RPAP2: variants seen among roughly 807,000 people sequenced by gnomAD.
RPAP2 encodes the protein putative RNA polymerase II subunit B1 CTD phosphatase RPAP2.
Under a neutral mutation model 73.1 loss-of-function variants are expected in RPAP2, and 52 were observed. The observed-to-expected ratio is 0.71, with a 90% confidence interval of 0.57 to 0.90. The LOEUF (loss-of-function observed/expected upper bound fraction) is 0.90. RPAP2 is among the 40% of genes least tolerant of loss of function. The pLI, the probability that RPAP2 is intolerant of heterozygous loss-of-function variation, is 0.00. For synonymous variants in RPAP2, 225 were observed against 242.1 expected (o/e 0.93, Z 0.65); for missense variants, 598 against 701.8 (o/e 0.85, Z 1.67).
chr1:92,300,164 A>G, intron 1 of RPAP2, 30 bp from the exon 2 acceptor site: 1 of 1,529,370 alleles, frequency 6.5e-7, no homozygotes, highest in Non-Finnish European at 9.0e-7. Flanking sequence ...AAATGTCATT[A>G]TGTAGCACAT....
At chr1:92,304,620 G>C (rs1448744351) in intron 5 of RPAP2, among the ~76,000 whole-genome samples, 1 of 152,128 alleles carries the variant, frequency 6.6e-6, no homozygotes, top group African/African-American at 2.4e-5. Context: ...ATAAATCATG[G>C]AACAGAATAG....
intron 12 of RPAP2, among the ~76,000 whole-genome samples, chr1:92,381,908 T>A (rs1655655323): frequency 6.6e-6 from 1 of 150,490 alleles, no homozygotes; most frequent in African/African-American, 2.4e-5. Flanking sequence ...CTCCTAATGC[T>A]ATCCCTCCCC....
chr1:92,378,982 T>C (rs1378067554), intron 11 of RPAP2, among the ~76,000 whole-genome samples: 1 of 152,224 alleles, frequency 6.6e-6, no homozygotes, highest in African/African-American at 2.4e-5. Context: ...CATTGGACTA[T>C]TGCAGTCATC....
chr1:92,380,923 A>G (rs762185961), intron 12 of RPAP2, 50 bp downstream of exon 12: 5 of 1,424,440 alleles, frequency 3.5e-6, no homozygotes, highest in South Asian at 1.5e-5. Context: ...TTTGTTGCCT[A>G]TGTGGATTCT....
intron 8 of RPAP2, among the ~76,000 whole-genome samples, chr1:92,331,444 A>G (rs1297804308): frequency 6.6e-6 from 1 of 152,068 alleles, no homozygotes; most frequent in African/African-American, 2.4e-5. Flanking sequence ...TTTGCATTGA[A>G]TCATTATTCC....
chr1:92,311,206 C>T (rs192134811), intron 6 of RPAP2, among the ~76,000 whole-genome samples: 2 of 152,292 alleles, frequency 1.3e-5, no homozygotes, highest in Admixed American at 1.3e-4. Context: ...CTTCTCAACA[C>T]TAAGTCTCAG....
rs977176028 is a variant in RPAP2, at chr1:92,334,325, G to A, written c.1538+852G>A. Among the ~76,000 whole-genome samples, 3 of 151,900 alleles carry A rather than the reference G, an allele frequency of 2.0e-5. 1 individual carries two copies. The highest frequency in any genetic ancestry group is 2.9e-5 in the Non-Finnish European group (2 of 67,966). ...CATTATCAAAGTTAGACCTTTTTTGGTTTTTTATTTGAACCAACCAATTGT... is the reference window on the plus strand; with the variant it reads ...CATTATCAAAGTTAGACCTTTTTTGATTTTTTATTTGAACCAACCAATTGT... On this transcript the variant is annotated intron_variant, in intron 9 of 12. Coordinates refer to ENST00000610020, the MANE Select transcript of RPAP2 (RefSeq NM_024813.3).
chr1:92,346,186 C>G (rs1186480890), intron 11 of RPAP2, among the ~76,000 whole-genome samples: 1 of 147,500 alleles, frequency 6.8e-6, no homozygotes, highest in Non-Finnish European at 1.5e-5. Flanking sequence ...TTTTTTGAGA[C>G]AGGGTCTCGC....
At chr1:92,306,121 G>C (rs573664511) in intron 5 of RPAP2, among the ~76,000 whole-genome samples, 1 of 152,270 alleles carries the variant, frequency 6.6e-6, no homozygotes, top group South Asian at 2.1e-4. Flanking sequence ...AAATAAGCCA[G>C]CACAAAAGGA....
intron 12 of RPAP2, among the ~76,000 whole-genome samples, chr1:92,384,265 A>G (rs879408559): frequency 3.3e-5 from 5 of 152,058 alleles, no homozygotes; most frequent in East Asian, 1.9e-4. Context: ...CTATAAAACA[A>G]TCTTTAATCA....
At chr1:92,386,026 C>T (rs1655851764) in intron 12 of RPAP2, among the ~76,000 whole-genome samples, 1 of 152,232 alleles carries the variant, frequency 6.6e-6, no homozygotes, top group African/African-American at 2.4e-5. Context: ...CTAGAAACCT[C>T]CCCTAATCCC....
chr1:92,317,945 A>G (rs1309478500), intron 6 of RPAP2, among the ~76,000 whole-genome samples: 1 of 152,198 alleles, frequency 6.6e-6, no homozygotes, highest in African/African-American at 2.4e-5. Context: ...TCTGCCTTCA[A>G]GATCTTGAAA....
chr1:92,312,897 C>T (rs1651682299), intron 6 of RPAP2, among the ~76,000 whole-genome samples: 1 of 151,896 alleles, frequency 6.6e-6, no homozygotes, highest in Non-Finnish European at 1.5e-5. Context: ...TCTTGGCTCA[C>T]TACAACCTCT....
chr1:92,300,655 A>G (rs1650774170), intron 2 of RPAP2, among the ~76,000 whole-genome samples: 1 of 152,270 alleles, frequency 6.6e-6, no homozygotes, highest in Non-Finnish European at 1.5e-5. Context: ...AAGGCAAGAT[A>G]TTACCACATA....
At chr1:92,338,718 A>G (rs1653424147) in intron 10 of RPAP2, among the ~76,000 whole-genome samples, 1 of 149,128 alleles carries the variant, frequency 6.7e-6, no homozygotes, top group African/African-American at 2.5e-5. Flanking sequence ...TGATGCGATC[A>G]TGGCTCACTG....
At chr1:92,365,394 T>TA (rs35190534) in intron 11 of RPAP2, among the ~76,000 whole-genome samples, 72,449 of 151,908 alleles carry the variant, frequency 0.48, 18,283 homozygotes, top group East Asian at 0.96. Flanking sequence ...GGGGAGGTTT[T>TA]AAAAAAATAC....
chr1:92,369,196 C>T (rs1026774966), intron 11 of RPAP2, among the ~76,000 whole-genome samples: 4 of 152,262 alleles, frequency 2.6e-5, no homozygotes, highest in South Asian at 2.1e-4. Context: ...CTGCATAAAA[C>T]ACATTAAATA....
chr1:92,369,829 G>T (rs556877779), intron 11 of RPAP2, among the ~76,000 whole-genome samples: 1 of 152,212 alleles, frequency 6.6e-6, no homozygotes, highest in South Asian at 2.1e-4. Flanking sequence ...TGTTTGGTAA[G>T]ATCTTGCAAT....
In RPAP2 at chr1:92,324,387, A is replaced by G; in HGVS notation, c.1455+12A>G. ...AAGACTCAGAAGAGGTATGTCTTAC[A>G]GACATTGAGTTTTTCCAGATCGTTA... On this transcript the variant is annotated intron_variant, in intron 8 of 12. Coordinates refer to ENST00000610020, the MANE Select transcript of RPAP2 (RefSeq NM_024813.3). The G allele has an allele frequency of 1.3e-6, 2 of 1,582,796 alleles. No homozygotes were observed. The highest frequency in any genetic ancestry group is 1.7e-6 in the Non-Finnish European group (2 of 1,161,614).
Sources: gnomAD v4.1 joint callset for allele counts (sites outside exome capture counted in the v4.1 genomes callset) on GRCh38, gnomAD v4.1.1 for gene constraint, MANE v1.5 for transcripts, NCBI Gene and HGNC (gene_info 2026-07-23, HGNC 2026-07-21) for gene names.